ANK3: variants seen among roughly 807,000 people sequenced by gnomAD.
ANK3 encodes ankyrin 3.
ANK3 carries 57 observed loss-of-function variants against 370.9 expected under a neutral mutation model. The ratio of observed to expected loss-of-function variants is 0.15; its 90% CI spans 0.12 to 0.19. The LOEUF is 0.19. ANK3 is among the 10% of genes least tolerant of loss of function. The probability of loss-of-function intolerance (pLI) is 1.00; values close to 1 mark genes in which losing one functional copy is unlikely to be tolerated. For missense variants in ANK3, 4,439 were observed against 5,302.1 expected, an observed-to-expected ratio of 0.84 and a Z score of 5.06; for synonymous variants, 1,929 against 1,946.3, an observed-to-expected ratio of 0.99 and a Z score of 0.23.
chr10:60,269,334 A>T (rs1311456698), intron 5 of ANK3, among the ~76,000 whole-genome samples: 2 of 152,164 alleles, frequency 1.3e-5, no homozygotes, highest in African/African-American at 4.8e-5. Context: ...TACCACATCT[A>T]TTTAACACTT....
chr10:60,056,079 T>G, intron 41 of ANK3, 43 bp from the exon 42 acceptor site: 1 of 1,550,272 alleles, frequency 6.5e-7, no homozygotes, highest in Non-Finnish European at 8.7e-7. Flanking sequence ...AAACTATGAC[T>G]GAATATAGGT....
intron 2 of ANK3, among the ~76,000 whole-genome samples, chr10:60,583,637 G>T (rs1468731389): frequency 6.6e-6 from 1 of 151,092 alleles, no homozygotes; most frequent in Non-Finnish European, 1.5e-5. Flanking sequence ...CACCCAGGTT[G>T]CAGTGGCACG....
At chr10:60,587,025 T>C (rs2077841969) in intron 2 of ANK3, among the ~76,000 whole-genome samples, 1 of 152,188 alleles carries the variant, frequency 6.6e-6, no homozygotes, top group Non-Finnish European at 1.5e-5. Flanking sequence ...AGATGCTTAA[T>C]TGACTCACAG....
intron 1 of ANK3, among the ~76,000 whole-genome samples, chr10:60,281,992 T>C (rs992154767): frequency 1.3e-5 from 2 of 152,164 alleles, no homozygotes; most frequent in Admixed American, 6.5e-5. Flanking sequence ...TTTAAAGAGG[T>C]TCACTATTTA....
chr10:60,052,017 T>C (rs533800873), intron 42 of ANK3, among the ~76,000 whole-genome samples: 1 of 152,268 alleles, frequency 6.6e-6, no homozygotes, highest in Admixed American at 6.5e-5. Flanking sequence ...CTATGAAATT[T>C]TGGTCAAATT....
intron 2 of ANK3, among the ~76,000 whole-genome samples, chr10:60,498,339 A>G (rs138948476): frequency 5.3e-5 from 8 of 152,292 alleles, no homozygotes; most frequent in African/African-American, 1.7e-4. Context: ...GAATACCACA[A>G]AACTTCAAGC....
At chr10:60,035,337 C>G (rs922675753) in intron 43 of ANK3, among the ~76,000 whole-genome samples, 8 of 152,054 alleles carry the variant, frequency 5.3e-5, no homozygotes, top group Non-Finnish European at 1.2e-4. Flanking sequence ...CAACCTCTGC[C>G]TCCTAGGTTC....
chr10:60,532,842 G>A (rs1047122690), intron 2 of ANK3, among the ~76,000 whole-genome samples: 1 of 152,008 alleles, frequency 6.6e-6, no homozygotes, highest in Non-Finnish European at 1.5e-5. Flanking sequence ...ACAGACCTTT[G>A]AGCTGAGCAA....
chr10:60,408,415 C>A (rs948202103), intron 2 of ANK3, among the ~76,000 whole-genome samples: 1 of 152,094 alleles, frequency 6.6e-6, no homozygotes, highest in African/African-American at 2.4e-5. Flanking sequence ...GCGTATGGCA[C>A]CCCCTCCCCA....
intron 1 of ANK3, among the ~76,000 whole-genome samples, chr10:60,732,847 G>A (rs1452370834): frequency 6.6e-6 from 1 of 152,006 alleles, no homozygotes; most frequent in African/African-American, 2.4e-5. Flanking sequence ...CCTTAGGAAA[G>A]GTTCAGCCTG....
At chr10:60,533,027 C>G (rs2133203338) in intron 2 of ANK3, among the ~76,000 whole-genome samples, 1 of 152,192 alleles carries the variant, frequency 6.6e-6, no homozygotes, top group South Asian at 2.1e-4. Context: ...TGGAATGCAA[C>G]TCCTTGAAAT....
chr10:60,591,438 C>T (rs2077912468), intron 2 of ANK3, among the ~76,000 whole-genome samples: 1 of 151,636 alleles, frequency 6.6e-6, no homozygotes, highest in Non-Finnish European at 1.5e-5. Flanking sequence ...CTCCCAGGCT[C>T]AAGCAAATAT....
chr10:60,522,995 A>G (rs1045481436), intron 2 of ANK3, among the ~76,000 whole-genome samples: 10 of 152,052 alleles, frequency 6.6e-5, no homozygotes, highest in African/African-American at 2.4e-4. Flanking sequence ...TCAGTTTTCT[A>G]TAGCCTATGT....
intron 27 of ANK3, among the ~76,000 whole-genome samples, chr10:60,108,522 A>G (rs2092416608): frequency 6.6e-6 from 1 of 152,138 alleles, no homozygotes; most frequent in South Asian, 2.1e-4. Flanking sequence ...TAATTCCAGC[A>G]TCTGTATTTT....
intron 25 of ANK3, among the ~76,000 whole-genome samples, chr10:60,133,201 C>A (rs936936686): frequency 6.6e-6 from 1 of 152,162 alleles, no homozygotes; most frequent in African/African-American, 2.4e-5. Flanking sequence ...TGCAGTAAGT[C>A]AAAAAGCCCA....
At chr10:60,202,353 C>T (rs1485983587) in intron 12 of ANK3, among the ~76,000 whole-genome samples, 2 of 151,950 alleles carry the variant, frequency 1.3e-5, no homozygotes, top group South Asian at 2.1e-4. Flanking sequence ...GAACTCCCAA[C>T]CTCATGTGAC....
chr10:60,368,568 T>C (rs2132770992), intron 1 of ANK3, among the ~76,000 whole-genome samples: 1 of 152,260 alleles, frequency 6.6e-6, no homozygotes, highest in South Asian at 2.1e-4. Flanking sequence ...GGTATAATCA[T>C]GATGGATTGG....
At chr10:60,589,116 A>C (rs1327396811) in intron 2 of ANK3, among the ~76,000 whole-genome samples, 1 of 152,192 alleles carries the variant, frequency 6.6e-6, no homozygotes, top group Admixed American at 6.5e-5. Flanking sequence ...AAGATTCTTA[A>C]ATTGTTAGTG....
At chr10:60,108,505 G>A (rs1053488384) in intron 27 of ANK3, among the ~76,000 whole-genome samples, 10 of 152,118 alleles carry the variant, frequency 6.6e-5, no homozygotes, top group South Asian at 2.1e-4. Flanking sequence ...TATTCAATGC[G>A]GTAAAATAAT....
Sources: gnomAD v4.1 joint callset for allele counts (sites outside exome capture counted in the v4.1 genomes callset) on GRCh38, gnomAD v4.1.1 for gene constraint, MANE v1.5 for transcripts, NCBI Gene and HGNC (gene_info 2026-07-23, HGNC 2026-07-21) for gene names.